The following ANO5 variants were observed in gnomAD, a reference collection of about 807,000 sequenced individuals.
ANO5 encodes anoctamin-5.
ANO5 carries 109 observed loss-of-function variants against 121.0 expected under a neutral mutation model. The observed-to-expected ratio is 0.90, with a 90% CI of 0.77 to 1.06. The LOEUF (loss-of-function observed/expected upper bound fraction) is 1.06. ANO5 is among the 50% of genes least tolerant of loss of function. The pLI, the probability that ANO5 is intolerant of heterozygous loss-of-function variation, is 0.00. For missense variants in ANO5, 1,064 were observed against 1,078.5 expected (o/e 0.99, Z 0.19); for synonymous variants, 406 against 359.9 (o/e 1.13, Z -1.45).
intron 7 of ANO5, among the ~76,000 whole-genome samples, chr11:22,228,015 C>A (rs989793887): frequency 5.3e-5 from 8 of 151,928 alleles, no homozygotes; most frequent in African/African-American, 1.7e-4. Flanking sequence ...ATTTGAGAAA[C>A]CTCAAAACTT....
At chr11:22,195,079 TACTC>T (rs1242927012) in intron 1 of ANO5, among the ~76,000 whole-genome samples, 3 of 152,222 alleles carry the variant, frequency 2.0e-5, no homozygotes, top group Non-Finnish European at 2.9e-5. Flanking sequence ...TTTCTGTACA[TACTC>T]ACTAACACTT....
At chr11:22,279,514 C>G in intron 21 of ANO5, 30 bp from the exon 22 acceptor site, 2 of 1,560,934 alleles carry the variant, frequency 1.3e-6, no homozygotes, top group Admixed American at 3.4e-5. Flanking sequence ...CCTCTAACAG[C>G]GTCTAATCTT....
chr11:22,274,475 A>G (rs1854754323), intron 19 of ANO5, 94 bp from the exon 20 acceptor site: 4 of 1,157,066 alleles, frequency 3.5e-6, no homozygotes, highest in Non-Finnish European at 4.8e-6. Flanking sequence ...TTTTGCATCT[A>G]TATAATTTAT....
chr11:22,203,893 TA>T, intron 2 of ANO5, 43 bp downstream of exon 2: 1 of 1,309,214 alleles, frequency 7.6e-7, no homozygotes. Context: ...TAAGTCAGAA[TA>T]AAAAATCAAG....
chr11:22,279,730 G>T lies in ANO5; in HGVS notation c.2707G>T (p.Glu903Ter). 1 of 1,612,778 alleles carries T rather than the reference G, an allele frequency of 6.2e-7. No homozygotes were observed. The highest frequency in any genetic ancestry group is 8.5e-7 in the Non-Finnish European group (1 of 1,179,146). ...ATTTGCCAAGCATGTCATGATTGAG[G>T]AAAACAAAGCACAGCTGGCTAAATC... The part of the protein sequence containing the change: ...NEFAKHVMIE[E>*]NKAQLAKSTL The change falls in exon 22 of 22, where the codon GAA becomes TAA. Residue 903 changes from glutamate to a stop codon, truncating the protein, a stop_gained. Transcript: ENST00000324559. LOFTEE classifies it low-confidence loss of function (END_TRUNC).
intron 5 of ANO5, among the ~76,000 whole-genome samples, chr11:22,222,000 A>G: frequency 6.6e-6 from 1 of 151,984 alleles, no homozygotes. Context: ...TTCATGACCC[A>G]TCATCATTTT....
At chr11:22,272,118 C>A (rs904692687) in intron 18 of ANO5, among the ~76,000 whole-genome samples, 12 of 151,632 alleles carry the variant, frequency 7.9e-5, no homozygotes, top group Admixed American at 2.0e-4. Context: ...GTTATTTTAC[C>A]CTAAACATTG....
chr11:22,193,567 AGGC>A lies in ANO5; in HGVS notation c.40+36_40+38del, dbSNP rs762916549. ...CGCCAAGAGGCGTCAAGGGAGAGCC[AGGC>A]TGGCTGCCTGCACCCCTCCACCCGC... On this transcript the variant is annotated intron_variant, in intron 1 of 21. Transcript: ENST00000324559. 3.1e-6 allele frequency: 5 copies of A among 1,606,058 alleles called. No homozygotes were observed. In the African/African-American group the frequency reaches 6.7e-5, roughly 21 times the overall value.
intron 20 of ANO5, 144 bp downstream of exon 20, chr11:22,274,891 G>T (rs375013378): frequency 8.8e-7 from 1 of 1,138,396 alleles, no homozygotes; most frequent in Non-Finnish European, 1.3e-6. Context: ...ATCCATTCTA[G>T]AATTCACACA....
chr11:22,205,911 C>T (rs1330910183), intron 2 of ANO5, among the ~76,000 whole-genome samples: 1 of 152,118 alleles, frequency 6.6e-6, no homozygotes, highest in East Asian at 1.9e-4. Flanking sequence ...CTATAATCCA[C>T]TCAACGTTAA....
At chr11:22,264,085 G>A (rs555891395) in intron 17 of ANO5, among the ~76,000 whole-genome samples, 331 of 146,074 alleles carry the variant, frequency 2.3e-3, no homozygotes, top group Middle Eastern at 7.0e-3. Flanking sequence ...GTGCAATGGC[G>A]CAATCTCGGC....
At chr11:22,200,784 A>G (rs1253396370) in intron 1 of ANO5, among the ~76,000 whole-genome samples, 3 of 152,206 alleles carry the variant, frequency 2.0e-5, no homozygotes, top group East Asian at 1.9e-4. Flanking sequence ...GACACATACA[A>G]AAAGTAAAAT....
In ANO5 at chr11:22,259,662, A is replaced by G. The variant is rs370241354; in HGVS notation, c.1551A>G (p.Thr517=). 12 of 1,614,016 alleles carry G rather than the reference A, an allele frequency of 7.4e-6. No homozygotes were observed. The highest frequency in any genetic ancestry group is 9.3e-6 in the Non-Finnish European group (11 of 1,180,014). ...CTCCTCAGATAACCACATCACTCAC[A>G]GGATCATGCTTGAACTTTATTGTCA... ...FLTPQITTSL[T]GSCLNFIVIL... Residue 517 remains threonine (T), a synonymous_variant, in exon 15 of 22, where the codon ACA becomes ACG. Transcript: ENST00000324559.
rs60258541 is a variant in ANO5 at position 22,279,124 on chromosome 11, C to T, written c.2521-420C>T. ...AACTCAAACTAATACCTTCAAAAGT[C>T]CTTATTGCCTTCTTTCCTGAACTTT... On this transcript the variant is annotated intron_variant, in intron 21 of 21. Coordinates refer to ENST00000324559, the MANE Select transcript of ANO5 (RefSeq NM_213599.3). 1.8e-3 allele frequency among the ~76,000 whole-genome samples: 273 copies of T among 151,932 alleles called. 3 individuals carry two copies. Among genetic ancestry groups the T allele is most frequent in the African/African-American group, 6.1e-3 (252 of 41,534 alleles).
At chr11:22,279,192 C>T (rs1195194614) in intron 21 of ANO5, among the ~76,000 whole-genome samples, 1 of 151,842 alleles carries the variant, frequency 6.6e-6, no homozygotes, top group Non-Finnish European at 1.5e-5. Context: ...TTTTTGGTTT[C>T]CACTATCAGT....
intron 9 of ANO5, 64 bp downstream of exon 9, chr11:22,239,748 CATA>C: frequency 1.5e-6 from 2 of 1,302,638 alleles, no homozygotes; most frequent in Non-Finnish European, 2.2e-6. Context: ...TTCACAATGG[CATA>C]ATATTTTTTT....
At chr11:22,192,631 T>G (rs1490132894), upstream of ANO5, among the ~76,000 whole-genome samples, 1 of 151,964 alleles carries the variant, frequency 6.6e-6, no homozygotes, top group Non-Finnish European at 1.5e-5. Context: ...TCTCTCCGAG[T>G]GGCACGCATG....
chr11:22,267,584 G>T (rs1056556315), intron 17 of ANO5, among the ~76,000 whole-genome samples: 14 of 149,716 alleles, frequency 9.4e-5, no homozygotes, highest in Non-Finnish European at 2.9e-5. Context: ...TCTATCCCAA[G>T]ATTTGTTTAT....
intron 19 of ANO5, among the ~76,000 whole-genome samples, 190 bp downstream of exon 19, chr11:22,273,179 C>A (rs978430111): frequency 1.3e-5 from 2 of 151,952 alleles, no homozygotes; most frequent in South Asian, 2.1e-4. Context: ...AATACAAGGA[C>A]AATTATAAAA....
Sources: gnomAD v4.1 joint callset for allele counts (sites outside exome capture counted in the v4.1 genomes callset) on GRCh38, gnomAD v4.1.1 for gene constraint, MANE v1.5 for transcripts, NCBI Gene and HGNC (gene_info 2026-07-23, HGNC 2026-07-21) for gene names.